The following CBFA2T3 variants were observed in gnomAD, a reference collection of about 807,000 sequenced individuals.
CBFA2T3 encodes the protein transcriptional corepressor CBFA2T3.
In CBFA2T3, 31 loss-of-function variants were observed where a neutral mutation model predicts 58.6. That is an observed-to-expected ratio of 0.53 (90% CI 0.40 to 0.71). The LOEUF is 0.71. Among genes scored for constraint, CBFA2T3 ranks in the 30% least tolerant of loss-of-function variants. CBFA2T3 has a pLI of 0.00. For missense variants in CBFA2T3, 1,076 were observed against 963.1 expected (o/e 1.12, Z -1.55); for synonymous variants, 531 against 421.9 (o/e 1.26, Z -3.17).
At chr16:88,924,327 T>A (rs1241927634) in intron 1 of CBFA2T3, among the ~76,000 whole-genome samples, 3 of 152,204 alleles carry the variant, frequency 2.0e-5, no homozygotes. Flanking sequence ...CCAGTCGCCC[T>A]GCACAAGCTC....
chr16:88,936,007 A>G (rs1315999832), intron 1 of CBFA2T3, among the ~76,000 whole-genome samples: 3 of 152,172 alleles, frequency 2.0e-5, no homozygotes, highest in African/African-American at 7.2e-5. Flanking sequence ...CTCCGGGAAC[A>G]GGGCAGGGGG....
chr16:88,908,283 C>T (rs1312266382), intron 1 of CBFA2T3, among the ~76,000 whole-genome samples: 1 of 151,542 alleles, frequency 6.6e-6, no homozygotes. Flanking sequence ...CAGAGGTTGC[C>T]ATGAGCCGAA....
At chr16:88,975,114 C>T (rs1436969277) in intron 1 of CBFA2T3, among the ~76,000 whole-genome samples, 1 of 147,574 alleles carries the variant, frequency 6.8e-6, no homozygotes, top group East Asian at 1.9e-4. Context: ...TGTTAGAGGC[C>T]ACCCTGGCCC....
At chr16:88,878,877 C>T (rs1968946390) in intron 11 of CBFA2T3, among the ~76,000 whole-genome samples, 2 of 152,144 alleles carry the variant, frequency 1.3e-5, no homozygotes, top group African/African-American at 4.8e-5. Context: ...ACCCGGGAGG[C>T]GGAGGTTGTA....
chr16:88,888,128 G>A (rs1167020784), intron 5 of CBFA2T3, among the ~76,000 whole-genome samples: 3 of 152,014 alleles, frequency 2.0e-5, no homozygotes, highest in East Asian at 2.0e-4. Context: ...ACCCCGTGAG[G>A]GAGATTCACC....
intron 1 of CBFA2T3, among the ~76,000 whole-genome samples, chr16:88,943,451 G>C (rs1971813553): frequency 6.6e-6 from 1 of 152,250 alleles, no homozygotes; most frequent in South Asian, 2.1e-4. Flanking sequence ...GCAGCCATCA[G>C]ACACCACAAC....
chr16:88,964,941 CATCCATCCATCT>C lies in CBFA2T3; in HGVS notation c.151+11704_151+11715del, dbSNP rs1282349873. Among the ~76,000 whole-genome samples, 213 of 125,280 alleles carry C rather than the reference CATCCATCCATCT, an allele frequency of 1.7e-3. 1 individual carries two copies. The highest frequency in any genetic ancestry group is 6.3e-3 in the African/African-American group (197 of 31,278). 82.2% of individuals were successfully genotyped at this position (125,280 alleles called of 152,430 possible). Reference sequence around the variant, plus strand: ...CCATCCATCCATCCATCCATCCATCCATCCATCCATCTATCCATCTATCCATCCATCCACCTA... The same window carrying C: ...CCATCCATCCATCCATCCATCCATCCATCCATCTATCCATCCATCCACCTA... On this transcript the variant is annotated intron_variant, in intron 1 of 11. Coordinates refer to ENST00000268679, the MANE Select transcript of CBFA2T3 (RefSeq NM_005187.6).
At chr16:88,931,899 G>A (rs1026518581) in intron 1 of CBFA2T3, among the ~76,000 whole-genome samples, 2 of 152,122 alleles carry the variant, frequency 1.3e-5, no homozygotes, top group Non-Finnish European at 1.5e-5. Context: ...TAAGCACTTC[G>A]CCGGGGCACT....
chr16:88,897,625 G>A (rs185109632), intron 3 of CBFA2T3, among the ~76,000 whole-genome samples: 242 of 152,326 alleles, frequency 1.6e-3, no homozygotes, highest in Non-Finnish European at 3.0e-3. Flanking sequence ...CCATTTTACA[G>A]GTGGGGAAAC....
Position 88,958,812 on chromosome 16 carries a change from G to C in CBFA2T3, c.151+17845C>G, listed in dbSNP as rs1418827082. On this transcript the variant is annotated intron_variant, in intron 1 of 11. Transcript: ENST00000268679. This position sits in a 1 kb window ranked among gnomAD's most constrained non-coding sequence, Gnocchi z 4.0. ...TCTGGGCTCTTCCCGCTGCAGGTGTGGGTCCCCCGTGGGCAGCTCTCACAC... is the reference window on the plus strand; with the variant it reads ...TCTGGGCTCTTCCCGCTGCAGGTGTCGGTCCCCCGTGGGCAGCTCTCACAC... 1.3e-5 allele frequency among the ~76,000 whole-genome samples: 2 copies of C among 152,118 alleles called. No individual in the cohort carries two copies. Among genetic ancestry groups the C allele is most frequent in the Non-Finnish European group, 2.9e-5 (2 of 67,984 alleles).
chr16:88,959,960 T>C (rs1972319092), intron 1 of CBFA2T3, among the ~76,000 whole-genome samples: 1 of 152,084 alleles, frequency 6.6e-6, no homozygotes, highest in Non-Finnish European at 1.5e-5. Context: ...ACGCAGGAGA[T>C]GGAGGCTGCA....
chr16:88,929,355 G>A (rs537056594), intron 1 of CBFA2T3, among the ~76,000 whole-genome samples: 90 of 152,334 alleles, frequency 5.9e-4, no homozygotes, highest in African/African-American at 2.1e-3. Flanking sequence ...ACGGGCCTGC[G>A]GGAGGACCCG....
chr16:88,891,976 A>G lies in CBFA2T3; in HGVS notation c.622-5T>C, dbSNP rs756608268. Reference sequence around the variant, plus strand: ...CTCGATCGTCAATGTCGAGTTCTGCAGGGGAGAAAACCCACCTCACATCAG... The same window carrying G: ...CTCGATCGTCAATGTCGAGTTCTGCGGGGGAGAAAACCCACCTCACATCAG... On this transcript the variant is annotated splice_region_variant and splice_polypyrimidine_tract_variant and intron_variant, in intron 4 of 11. Transcript: ENST00000268679. 1 of 1,611,180 alleles carries G rather than the reference A, an allele frequency of 6.2e-7. No individual in the cohort carries two copies. The highest frequency in any genetic ancestry group is 8.5e-7 in the Non-Finnish European group (1 of 1,178,216).
chr16:88,964,909 T>TATCCATCC (rs56700700), intron 1 of CBFA2T3, among the ~76,000 whole-genome samples: 5 of 143,780 alleles, frequency 3.5e-5, no homozygotes, highest in African/African-American at 1.0e-4. Flanking sequence ...TCTATCCACT[T>TATCCATCC]ATCCATCCAT....
chr16:88,926,264 G>A (rs932889955), intron 1 of CBFA2T3, among the ~76,000 whole-genome samples: 2 of 152,320 alleles, frequency 1.3e-5, no homozygotes, highest in Non-Finnish European at 2.9e-5. Context: ...TCTGGGTTCC[G>A]TGCAGGGAGT....
intron 1 of CBFA2T3, among the ~76,000 whole-genome samples, chr16:88,967,832 C>A (rs1449426415): frequency 6.6e-6 from 1 of 152,198 alleles, no homozygotes; most frequent in Non-Finnish European, 1.5e-5. Context: ...TCAGGACGCC[C>A]CCTGCCCCGG....
intron 1 of CBFA2T3, among the ~76,000 whole-genome samples, chr16:88,912,037 CT>C (rs1434029906): frequency 6.6e-6 from 1 of 152,256 alleles, no homozygotes; most frequent in Non-Finnish European, 1.5e-5. Flanking sequence ...CACAGAAGTG[CT>C]GCTGAACCGT....
chr16:88,941,883 G>GT (rs1378833687), intron 1 of CBFA2T3: 12 of 146,404 alleles, frequency 8.2e-5, no homozygotes, highest in Admixed American at 8.1e-4. Flanking sequence ...GAGGTGGGGA[G>GT]TTGGGGGGGA....
chr16:88,941,087 C>T (rs1971709091), intron 1 of CBFA2T3: 1 of 984,792 alleles, frequency 1.0e-6, no homozygotes, highest in Non-Finnish European at 1.2e-6. Flanking sequence ...CCGGGAGTCG[C>T]TGCTCCTTCC....
Sources: allele counts gnomAD v4.1 joint callset (sites outside exome capture counted in the v4.1 genomes callset), GRCh38; gene constraint gnomAD v4.1.1; non-coding constraint Gnocchi (gnomAD v3.1); transcripts MANE v1.5; gene names NCBI Gene and HGNC (gene_info 2026-07-23, HGNC 2026-07-21).